ARHGAP26: variants seen among roughly 807,000 people sequenced by gnomAD.
ARHGAP26 encodes rho GTPase-activating protein 26.
In ARHGAP26, 38 loss-of-function variants were observed where a neutral mutation model predicts 104.8. The ratio of observed to expected loss-of-function variants is 0.36; its 90% CI spans 0.28 to 0.48. ARHGAP26 has a LOEUF of 0.48. ARHGAP26 is among the 20% of genes least tolerant of loss of function. ARHGAP26 has a pLI of 0.99. For missense variants in ARHGAP26, 704 were observed against 947.9 expected (o/e 0.74, Z 3.38); for synonymous variants, 341 against 340.0 (o/e 1.00, Z -0.03).
At chr5:142,792,963 A>G (rs1245947471) in intron 1 of ARHGAP26, among the ~76,000 whole-genome samples, 2 of 152,234 alleles carry the variant, frequency 1.3e-5, no homozygotes, top group Non-Finnish European at 2.9e-5. Context: ...CATCGAAGGC[A>G]GAAAGGTTGG....
At chr5:143,021,033 G>A (rs1780274151) in intron 12 of ARHGAP26, among the ~76,000 whole-genome samples, 1 of 152,176 alleles carries the variant, frequency 6.6e-6, no homozygotes, top group African/African-American at 2.4e-5. Flanking sequence ...ACTGGGAGGT[G>A]GGGAGAAGAG....
chr5:142,868,407 C>A (rs552894275), intron 1 of ARHGAP26, among the ~76,000 whole-genome samples: 1 of 152,214 alleles, frequency 6.6e-6, no homozygotes, highest in East Asian at 1.9e-4. Context: ...ACAGGGCTCA[C>A]TGCTGGTATT....
chr5:143,139,462 C>A (rs923545957), intron 19 of ARHGAP26, among the ~76,000 whole-genome samples: 6 of 152,182 alleles, frequency 3.9e-5, no homozygotes, highest in African/African-American at 1.2e-4. Context: ...AGTTCTTGAG[C>A]TACAGAAGTG....
intron 20 of ARHGAP26, among the ~76,000 whole-genome samples, chr5:143,196,748 G>C (rs1298601632): frequency 6.6e-6 from 1 of 152,194 alleles, no homozygotes. Flanking sequence ...ACCTCAAACA[G>C]ACACTTGTTT....
chr5:143,128,992 C>T (rs554917540), intron 18 of ARHGAP26, among the ~76,000 whole-genome samples: 36 of 152,052 alleles, frequency 2.4e-4, no homozygotes, highest in Non-Finnish European at 3.7e-4. Flanking sequence ...AAATTGCAGG[C>T]GCATGTGACA....
At chr5:143,035,849 T>G (rs1180976826) in intron 12 of ARHGAP26, among the ~76,000 whole-genome samples, 3 of 148,588 alleles carry the variant, frequency 2.0e-5, no homozygotes, top group Non-Finnish European at 3.0e-5. Context: ...GGCAGGAGAC[T>G]CGCTTGAACC....
chr5:143,040,716 G>A (rs952561750), intron 13 of ARHGAP26, among the ~76,000 whole-genome samples: 2 of 152,232 alleles, frequency 1.3e-5, no homozygotes, highest in African/African-American at 4.8e-5. Context: ...ATGATGAAAA[G>A]CTCTGGGAGA....
chr5:142,919,535 C>CA (rs1762924216), intron 10 of ARHGAP26: 3 of 397,588 alleles, frequency 7.5e-6, no homozygotes, highest in Admixed American at 4.4e-5. Context: ...AGCACTCATG[C>CA]ACCCAGCAGC....
intron 20 of ARHGAP26, among the ~76,000 whole-genome samples, chr5:143,178,874 GA>G (rs1465440447): frequency 3.3e-5 from 5 of 150,952 alleles, no homozygotes; most frequent in Non-Finnish European, 7.4e-5. Flanking sequence ...TTAACTATAT[GA>G]TTTTTTTTTT....
At chr5:142,863,303 T>G (rs1401302955) in intron 1 of ARHGAP26, among the ~76,000 whole-genome samples, 1 of 152,114 alleles carries the variant, frequency 6.6e-6, no homozygotes, top group Non-Finnish European at 1.5e-5. Flanking sequence ...GAGACAGGGT[T>G]TCACTGTGTT....
In ARHGAP26 at chr5:142,858,427, ATGG is replaced by A. The variant is rs976850944; in HGVS notation, c.155-14970_155-14968del. On this transcript the variant is annotated intron_variant, in intron 1 of 22. Transcript: ENST00000645722. ...ATGGCTTCAAGACTAAGCCTAGGAA[ATGG>A]TGTTCTGATTGTTTTGTGTGTCGTG... Among the ~76,000 whole-genome samples, 7 of 152,256 alleles carry A rather than the reference ATGG, an allele frequency of 4.6e-5. No homozygotes were observed. In the South Asian group the frequency reaches 8.3e-4, roughly 18 times the overall value.
At chr5:142,837,513 G>C (rs1204936334) in intron 1 of ARHGAP26, among the ~76,000 whole-genome samples, 2 of 152,188 alleles carry the variant, frequency 1.3e-5, no homozygotes, top group African/African-American at 4.8e-5. Context: ...GCGATGATAA[G>C]AAGGCCTGGT....
At chr5:142,940,061 C>A (rs1332847717) in intron 11 of ARHGAP26, among the ~76,000 whole-genome samples, 1 of 152,222 alleles carries the variant, frequency 6.6e-6, no homozygotes, top group African/African-American at 2.4e-5. Context: ...TCAGTGTGAA[C>A]TTTCAGGATA....
intron 13 of ARHGAP26, among the ~76,000 whole-genome samples, chr5:143,041,164 G>A (rs1375052872): frequency 9.2e-5 from 14 of 152,174 alleles, no homozygotes; most frequent in Admixed American, 8.5e-4. Context: ...TCTAATCCAT[G>A]TATTTAAATG....
At chr5:143,084,890 C>A (rs1454074969) in intron 17 of ARHGAP26, among the ~76,000 whole-genome samples, 2 of 151,812 alleles carry the variant, frequency 1.3e-5, no homozygotes, top group Non-Finnish European at 2.9e-5. Context: ...ACTAAAAATA[C>A]AAAAATTAGC....
intron 1 of ARHGAP26, among the ~76,000 whole-genome samples, chr5:142,824,843 G>A (rs1766910373): frequency 6.6e-6 from 1 of 152,236 alleles, no homozygotes; most frequent in Non-Finnish European, 1.5e-5. Flanking sequence ...TCAGCAAAAT[G>A]TGCAGGAACT....
intron 17 of ARHGAP26, among the ~76,000 whole-genome samples, chr5:143,120,760 T>C (rs1221291405): frequency 6.6e-6 from 1 of 152,178 alleles, no homozygotes; most frequent in Non-Finnish European, 1.5e-5. Flanking sequence ...CTAGGCAAAA[T>C]GGAAATGATA....
intron 11 of ARHGAP26, among the ~76,000 whole-genome samples, chr5:142,990,456 C>G (rs1775419866): frequency 6.6e-6 from 1 of 152,338 alleles, no homozygotes; most frequent in South Asian, 2.1e-4. Context: ...GCCTTCTTCT[C>G]TCAACTTGTC....
chr5:143,022,109 T>C (rs943304984), intron 12 of ARHGAP26, among the ~76,000 whole-genome samples: 2 of 152,150 alleles, frequency 1.3e-5, no homozygotes, highest in African/African-American at 4.8e-5. Flanking sequence ...GAGACCCCTG[T>C]CACCCAGGCT....
Sources: gnomAD v4.1 joint callset for allele counts (sites outside exome capture counted in the v4.1 genomes callset) on GRCh38, gnomAD v4.1.1 for gene constraint, MANE v1.5 for transcripts, NCBI Gene and HGNC (gene_info 2026-07-23, HGNC 2026-07-21) for gene names.